The following ASXL2 variants were observed in gnomAD, a reference collection of about 807,000 sequenced individuals.
ASXL2 encodes putative Polycomb group protein ASXL2.
ASXL2 carries 23 observed loss-of-function variants against 122.0 expected under a neutral mutation model. That is an observed-to-expected ratio of 0.19 (90% CI 0.14 to 0.27). ASXL2 has a LOEUF of 0.27. Ranked by LOEUF, ASXL2 falls within the 10% of genes least tolerant of loss-of-function variation. The pLI, the probability that ASXL2 is intolerant of heterozygous loss-of-function variation, is 1.00. For missense variants in ASXL2, 1,518 were observed against 1,713.8 expected (o/e 0.89, Z 2.02); for synonymous variants, 650 against 637.0 (o/e 1.02, Z -0.31).
chr2:25,775,405 G>A (rs980723327), intron 5 of ASXL2, among the ~76,000 whole-genome samples: 1 of 152,130 alleles, frequency 6.6e-6, no homozygotes, highest in African/African-American at 2.4e-5. Flanking sequence ...TGGGATTACA[G>A]GCACGAGCCA....
At position 25,840,158 on chromosome 2, in the gene ASXL2, TATAG is replaced by T. The variant is rs1198667316; in HGVS notation, c.141-4622_141-4619del. On this transcript the variant is annotated intron_variant, in intron 2 of 12. Coordinates refer to ENST00000435504, the MANE Select transcript of ASXL2 (RefSeq NM_018263.6). ...TATTTTCTAAAATGCTGCTATGCTTTATAGTTATAAACAGGCATTTAATTTAAAT... is the reference window on the plus strand; with the variant it reads ...TATTTTCTAAAATGCTGCTATGCTTTTTATAAACAGGCATTTAATTTAAAT... 2.0e-5 allele frequency among the ~76,000 whole-genome samples: 3 copies of T among 152,162 alleles called. No individual in the cohort carries two copies. In the East Asian group the frequency reaches 5.8e-4, roughly 29 times the overall value.
intron 4 of ASXL2, among the ~76,000 whole-genome samples, chr2:25,805,723 T>C (rs946342311): frequency 6.6e-6 from 1 of 152,222 alleles, no homozygotes; most frequent in Non-Finnish European, 1.5e-5. Context: ...TCGCCCAGGC[T>C]GGAGTGCGGT....
intron 5 of ASXL2, among the ~76,000 whole-genome samples, chr2:25,772,784 G>A (rs1271927674): frequency 2.7e-5 from 4 of 149,342 alleles, no homozygotes; most frequent in East Asian, 2.0e-4. Flanking sequence ...GCTAGCTACC[G>A]GACATAAAAA....
At chr2:25,849,079 A>ATATATATATATCTATATATATATAT (rs1265031772) in intron 1 of ASXL2, among the ~76,000 whole-genome samples, 1 of 136,742 alleles carries the variant, frequency 7.3e-6, no homozygotes, top group Admixed American at 7.5e-5. Context: ...ATATATATGG[A>ATATATATATATCTATATATATATAT]ATATTTATTT....
chr2:25,790,951 GCAC>G (rs1287113021), intron 5 of ASXL2, among the ~76,000 whole-genome samples: 3 of 151,898 alleles, frequency 2.0e-5, no homozygotes, highest in African/African-American at 7.2e-5. Context: ...CTACGGGTGT[GCAC>G]CACCAAAACC....
intron 3 of ASXL2, chr2:25,810,507 G>A: frequency 1.3e-6 from 1 of 745,396 alleles, no homozygotes; most frequent in South Asian, 1.4e-5. Flanking sequence ...GGTTCAAGGA[G>A]GCCACCTCAG....
At chr2:25,878,124 A>G in intron 1 of ASXL2, 42 bp downstream of exon 1, 1 of 1,611,218 alleles carries the variant, frequency 6.2e-7, no homozygotes, top group Non-Finnish European at 8.5e-7. Context: ...CGACAAGGGA[A>G]CAAAATCCTC....
rs186333301 is a variant in ASXL2, at chr2:25,874,818, G to A, written c.57+3348C>T. ...CATGCAGCTGAGTATAGTGGACCAC[G>A]CCTATAATATCAGCACTTTGGCAGG... On this transcript the variant is annotated intron_variant, in intron 1 of 12. Coordinates refer to ENST00000435504, the MANE Select transcript of ASXL2 (RefSeq NM_018263.6). Among the ~76,000 whole-genome samples the A allele has an allele frequency of 6.8e-4, 104 of 152,154 alleles. 2 individuals carry two copies. In the Middle Eastern group the frequency reaches 0.02, roughly 30 times the overall value.
intron 4 of ASXL2, among the ~76,000 whole-genome samples, chr2:25,804,772 G>A (rs1487765704): frequency 2.0e-5 from 3 of 152,264 alleles, no homozygotes; most frequent in South Asian, 4.2e-4. Flanking sequence ...CTTGAAGGCC[G>A]GGCACGGTGG....
chr2:25,758,799 C>G (rs1380572902), intron 9 of ASXL2, among the ~76,000 whole-genome samples: 3 of 151,818 alleles, frequency 2.0e-5, no homozygotes, highest in Non-Finnish European at 4.4e-5. Context: ...ATTCCCAAGT[C>G]CACCACTGTT....
At chr2:25,781,114 T>C (rs1401171963) in intron 5 of ASXL2, among the ~76,000 whole-genome samples, 1 of 151,924 alleles carries the variant, frequency 6.6e-6, no homozygotes, top group Non-Finnish European at 1.5e-5. Flanking sequence ...CCTGTAGTAC[T>C]TGGTTTCATA....
At chr2:25,833,640 G>T (rs2089478764) in intron 3 of ASXL2, among the ~76,000 whole-genome samples, 1 of 151,954 alleles carries the variant, frequency 6.6e-6, no homozygotes, top group African/African-American at 2.4e-5. Flanking sequence ...AGGTTGCAGT[G>T]AGCTGAGATT....
At chr2:25,858,195 A>G (rs1183430029) in intron 1 of ASXL2, among the ~76,000 whole-genome samples, 1 of 152,174 alleles carries the variant, frequency 6.6e-6, no homozygotes, top group Non-Finnish European at 1.5e-5. Flanking sequence ...TGCTCCCTCC[A>G]TTAGCTTACA....
chr2:25,802,561 G>A (rs1196366010), intron 4 of ASXL2, among the ~76,000 whole-genome samples: 5 of 152,160 alleles, frequency 3.3e-5, no homozygotes, highest in African/African-American at 1.2e-4. Context: ...AGTAAAAGGA[G>A]CATCTGACAC....
chr2:25,744,492 G>A lies in ASXL2; in HGVS notation c.1861-16C>T. On this transcript the variant is annotated splice_polypyrimidine_tract_variant and intron_variant, in intron 12 of 12. Transcript: ENST00000435504. This position sits in a 1 kb window ranked among gnomAD's most constrained non-coding sequence, Gnocchi z 4.7. ...AGACCGGGATCTGAAAGAAGTAGAG[G>A]GGAAAAAAACAACAGAGCTTAGTTT... The A allele has an allele frequency of 1.3e-6, 2 of 1,569,494 alleles. No individual in the cohort carries two copies. The highest frequency in any genetic ancestry group is 1.2e-5 in the South Asian group (1 of 85,944).
chr2:25,797,569 T>C (rs1314003048), intron 5 of ASXL2, among the ~76,000 whole-genome samples: 2 of 152,200 alleles, frequency 1.3e-5, no homozygotes, highest in African/African-American at 2.4e-5. Flanking sequence ...GATTTTAAAA[T>C]AAGTCAAAGA....
chr2:25,856,470 C>T, intron 1 of ASXL2: 1 of 1,015,596 alleles, frequency 9.8e-7, no homozygotes, highest in Non-Finnish European at 1.5e-6. Flanking sequence ...CTCACTTGGC[C>T]TTCGGGTTAC....
chr2:25,878,420 G>T lies in ASXL2; in HGVS notation c.-198C>A. On this transcript the variant is annotated 5_prime_UTR_variant, in exon 1 of 13. Transcript: ENST00000435504. Reference sequence around the variant, plus strand: ...CTATGGGGCGGCCGGTCCTCTTGCTGCCGTTGCCACTGCTACCGCCGCTGC... The same window carrying T: ...CTATGGGGCGGCCGGTCCTCTTGCTTCCGTTGCCACTGCTACCGCCGCTGC... The T allele has an allele frequency of 1.7e-6, 1 of 601,590 alleles. No homozygotes were observed. 37.3% of individuals were successfully genotyped at this position (601,590 alleles called of 1,614,324 possible).
intron 1 of ASXL2, among the ~76,000 whole-genome samples, chr2:25,849,977 C>A (rs2089697086): frequency 6.6e-6 from 1 of 152,066 alleles, no homozygotes; most frequent in South Asian, 2.1e-4. Context: ...TTATGGAAAT[C>A]TAAAAAAAAT....
Sources: allele counts gnomAD v4.1 joint callset (sites outside exome capture counted in the v4.1 genomes callset), GRCh38; gene constraint gnomAD v4.1.1; non-coding constraint Gnocchi (gnomAD v3.1); transcripts MANE v1.5; gene names NCBI Gene and HGNC (gene_info 2026-07-23, HGNC 2026-07-21).